ZC3H11A: variants seen among roughly 807,000 people sequenced by gnomAD.
ZC3H11A encodes zinc finger CCCH domain-containing protein 11A.
Under a neutral mutation model 90.8 loss-of-function variants are expected in ZC3H11A, and 22 were observed. The ratio of observed to expected loss-of-function variants is 0.24; its 90% CI spans 0.17 to 0.35. The LOEUF is 0.35. Ranked by LOEUF, ZC3H11A falls within the 10% of genes least tolerant of loss-of-function variation. The pLI is 1.00. For missense variants in ZC3H11A, 701 were observed against 964.9 expected, an observed-to-expected ratio of 0.73 and a Z score of 3.62; for synonymous variants, 294 against 339.8, an observed-to-expected ratio of 0.87 and a Z score of 1.48.
rs1292335554 is a variant in ZC3H11A at position 203,825,091 on chromosome 1, A to AG, written c.175-3208_175-3207insG. On this transcript the variant is annotated intron_variant, in intron 4 of 17. Transcript: ENST00000367210. ...GACTCCGTCTCAAAAAAAAAAAAAA[A>AG]AAAAGAAAATAGATGTTAGATAAGC... Among the ~76,000 whole-genome samples the AG allele has an allele frequency of 5.2e-3, 787 of 151,694 alleles. 4 individuals are homozygous for AG. Among genetic ancestry groups the AG allele is most frequent in the African/African-American group, 0.015 (608 of 41,376 alleles).
intron 2 of ZC3H11A, among the ~76,000 whole-genome samples, chr1:203,813,687 A>G (rs961492347): frequency 1.3e-5 from 2 of 152,004 alleles, no homozygotes; most frequent in African/African-American, 2.4e-5. Flanking sequence ...CAGCAGGGCC[A>G]TTCTCCCTCT....
chr1:203,841,462 G>A (rs574166283), intron 12 of ZC3H11A, among the ~76,000 whole-genome samples: 2 of 151,862 alleles, frequency 1.3e-5, no homozygotes, highest in African/African-American at 4.8e-5. Flanking sequence ...CAGAGAGCAC[G>A]GGGTTGGGAG....
Position 203,806,074 on chromosome 1 carries a change from A to G in ZC3H11A, c.-146+3058A>G, listed in dbSNP as rs565607866. The G allele has an allele frequency of 9.8e-6, 5 of 509,630 alleles. No individual in the cohort carries two copies. The East Asian group carries it at 2.5e-4, about 25-fold the overall frequency. The allele number at this position is 509,630 out of a possible 1,614,324, so 31.6% of individuals were successfully genotyped here. ...CATCCGCTTTTGTTTTAAAACTCGC[A>G]AGGCTTTCTGCGTAATCATATTCTT... On this transcript the variant is annotated intron_variant, in intron 2 of 17. Transcript: ENST00000367210.
chr1:203,819,368 C>T lies in ZC3H11A; in HGVS notation c.174+679C>T, dbSNP rs568829096. Among the ~76,000 whole-genome samples the T allele has an allele frequency of 1.9e-3, 278 of 143,432 alleles. 2 individuals carry two copies. Among genetic ancestry groups the T allele is most frequent in the African/African-American group, 6.8e-3 (261 of 38,412 alleles). 94.1% of individuals were successfully genotyped at this position (143,432 alleles called of 152,430 possible). A position where few individuals can be genotyped will look rare whatever the true frequency, so the allele number is the denominator to read the frequency against. Reference sequence around the variant, plus strand: ...TCCTGAGTAGCTGGGATTACAGGCACCTGCCACCATGGCCTGCTAATTTTT... The same window carrying T: ...TCCTGAGTAGCTGGGATTACAGGCATCTGCCACCATGGCCTGCTAATTTTT... On this transcript the variant is annotated intron_variant, in intron 4 of 17. Coordinates refer to ENST00000367210, the MANE Select transcript of ZC3H11A (RefSeq NM_001376342.1).
chr1:203,817,330 C>T (rs1350380201), intron 3 of ZC3H11A, among the ~76,000 whole-genome samples: 1 of 152,038 alleles, frequency 6.6e-6, no homozygotes, highest in African/African-American at 2.4e-5. Context: ...ATTTTCCCAT[C>T]TTGTACAAAA....
chr1:203,798,787 T>A, intron 1 of ZC3H11A: 1 of 1,536,154 alleles, frequency 6.5e-7, no homozygotes, highest in Non-Finnish European at 8.7e-7. Flanking sequence ...GTGGAGGATA[T>A]GCATCCTTAC....
intron 12 of ZC3H11A, among the ~76,000 whole-genome samples, chr1:203,842,140 C>T (rs1408907661): frequency 6.7e-6 from 1 of 150,306 alleles, no homozygotes; most frequent in Non-Finnish European, 1.5e-5. Context: ...GGAAGGGCTC[C>T]TCACATCCCA....
intron 2 of ZC3H11A, among the ~76,000 whole-genome samples, chr1:203,816,102 CAG>C (rs1227385270): frequency 6.6e-6 from 1 of 152,110 alleles, no homozygotes; most frequent in Non-Finnish European, 1.5e-5. Flanking sequence ...TCTAGCTAAA[CAG>C]GGTTTTCTCA....
intron 11 of ZC3H11A, among the ~76,000 whole-genome samples, chr1:203,839,784 T>TA (rs1426821316): frequency 6.6e-6 from 1 of 152,038 alleles, no homozygotes; most frequent in Non-Finnish European, 1.5e-5. Flanking sequence ...AGATATAAAG[T>TA]ACGTTTTTCT....
At chr1:203,849,664 T>G in intron 14 of ZC3H11A, 47 bp from the exon 15 acceptor site, 1 of 1,572,188 alleles carries the variant, frequency 6.4e-7, no homozygotes, top group Non-Finnish European at 8.7e-7. Context: ...TCATACAGGT[T>G]ATTAGAGGTA....
intron 2 of ZC3H11A, among the ~76,000 whole-genome samples, chr1:203,814,336 C>T (rs1043207922): frequency 6.6e-6 from 1 of 152,058 alleles, no homozygotes; most frequent in East Asian, 1.9e-4. Flanking sequence ...CCAGCCTGGC[C>T]AACATGGCGA....
At chr1:203,815,400 T>A (rs1235410625) in intron 2 of ZC3H11A, among the ~76,000 whole-genome samples, 5 of 124,814 alleles carry the variant, frequency 4.0e-5, no homozygotes, top group African/African-American at 1.5e-4. Context: ...TTTTTTTTTT[T>A]AAGAGATGGG....
chr1:203,840,655 CAG>C (rs1444876695), intron 12 of ZC3H11A, among the ~76,000 whole-genome samples: 1 of 138,620 alleles, frequency 7.2e-6, no homozygotes, highest in African/African-American at 2.7e-5. Context: ...ATTTTTGAGA[CAG>C]AGTTTTGCTC....
At chr1:203,816,788 A>T (rs778753464) in intron 2 of ZC3H11A, 138 bp from the exon 3 acceptor site, 1 of 312,224 alleles carries the variant, frequency 3.2e-6, no homozygotes, top group East Asian at 5.6e-5. Context: ...ATTCGCAATC[A>T]GTGTGTTTAC....
At chr1:203,834,879 G>T (rs1370665865) in intron 10 of ZC3H11A, among the ~76,000 whole-genome samples, 1 of 152,186 alleles carries the variant, frequency 6.6e-6, no homozygotes, top group Non-Finnish European at 1.5e-5. Context: ...CCTGCCCTCA[G>T]GTGATCCACC....
At chr1:203,798,042 C>A in intron 1 of ZC3H11A, 2 of 1,534,776 alleles carry the variant, frequency 1.3e-6, no homozygotes, top group Non-Finnish European at 1.7e-6. Flanking sequence ...TACTCTTCAA[C>A]GACATCTGCA....
intron 8 of ZC3H11A, among the ~76,000 whole-genome samples, chr1:203,831,303 T>A (rs571313749): frequency 6.6e-6 from 1 of 152,254 alleles, no homozygotes; most frequent in African/African-American, 2.4e-5. Flanking sequence ...GAGTTGTGTT[T>A]TCAGATGATT....
chr1:203,803,617 G>A (rs559713167), intron 2 of ZC3H11A, among the ~76,000 whole-genome samples: 4 of 152,088 alleles, frequency 2.6e-5, no homozygotes, highest in African/African-American at 7.2e-5. Context: ...ATTTTGTTTC[G>A]TTTTGAAACA....
intron 2 of ZC3H11A, among the ~76,000 whole-genome samples, chr1:203,804,959 T>C (rs980403867): frequency 2.0e-5 from 3 of 151,788 alleles, no homozygotes; most frequent in African/African-American, 7.2e-5. Context: ...AGGCGTGAGC[T>C]ATTGTGCCCG....
Sources: allele counts gnomAD v4.1 joint callset (sites outside exome capture counted in the v4.1 genomes callset), GRCh38; gene constraint gnomAD v4.1.1; transcripts MANE v1.5; gene names NCBI Gene and HGNC (gene_info 2026-07-23, HGNC 2026-07-21).